The following B3GLCT variants were observed in gnomAD, a reference collection of about 807,000 sequenced individuals.
B3GLCT encodes beta 3-glucosyltransferase, also known as beta-1,3-glucosyltransferase.
Under a neutral mutation model 63.4 loss-of-function variants are expected in B3GLCT, and 65 were observed. The observed-to-expected ratio is 1.03, with a 90% CI of 0.84 to 1.26. The LOEUF is 1.26. Ranked by LOEUF, B3GLCT falls within the 50% of genes most tolerant of loss-of-function variation. The pLI is 0.00. For missense variants in B3GLCT, 577 were observed against 604.8 expected (o/e 0.95, Z 0.48); for synonymous variants, 233 against 219.2 (o/e 1.06, Z -0.55).
intron 4 of B3GLCT, among the ~76,000 whole-genome samples, chr13:31,244,846 T>C (rs1871123489): frequency 6.6e-6 from 1 of 152,184 alleles, no homozygotes; most frequent in Admixed American, 6.5e-5. Context: ...AAGATGACTT[T>C]GGCTTAATCA....
intron 13 of B3GLCT, among the ~76,000 whole-genome samples, chr13:31,322,533 T>C (rs534476622): frequency 1.1e-4 from 17 of 152,246 alleles, no homozygotes; most frequent in Non-Finnish European, 2.5e-4. Flanking sequence ...TTTTCCATTT[T>C]GGGGAGCAAC....
chr13:31,229,348 A>G, intron 4 of B3GLCT, 54 bp downstream of exon 4: 1 of 1,067,404 alleles, frequency 9.4e-7, no homozygotes, highest in South Asian at 1.3e-5. Context: ...GATTACCTTG[A>G]TGTTTTCCAA....
At chr13:31,271,530 T>G (rs1872575131) in intron 8 of B3GLCT, among the ~76,000 whole-genome samples, 1 of 152,214 alleles carries the variant, frequency 6.6e-6, no homozygotes, top group African/African-American at 2.4e-5. Context: ...AAATAAATTT[T>G]CATCATGACC....
At position 31,215,056 on chromosome 13, in the gene B3GLCT, G is replaced by A. The variant is rs774429720; in HGVS notation, c.76G>A (p.Gly26Ser). 14 of 1,599,084 alleles carry A rather than the reference G, an allele frequency of 8.8e-6. No individual in the cohort carries two copies. The highest frequency in any genetic ancestry group is 2.7e-5 in the African/African-American group (2 of 73,534). ...TCTTTTTTTTTTTTTTCCAGCTTTT[G>A]GTTTGGCTTCTGAAGATACAAAGAA... ...LALLTCSLAF[G>S]LASEDTKKEV... The change falls in exon 2 of 15, where the codon GGT becomes AGT. Residue 26 changes from glycine (G) to serine (S), a missense_variant. Transcript: ENST00000343307.
At chr13:31,273,277 G>A (rs1010551090) in intron 8 of B3GLCT, among the ~76,000 whole-genome samples, 17 of 152,212 alleles carry the variant, frequency 1.1e-4, no homozygotes, top group Non-Finnish European at 2.2e-4. Context: ...GTATTTTTAA[G>A]TAAAGATGGG....
intron 12 of B3GLCT, among the ~76,000 whole-genome samples, chr13:31,297,697 A>G (rs1007473070): frequency 1.3e-5 from 2 of 152,050 alleles, no homozygotes; most frequent in Non-Finnish European, 2.9e-5. Flanking sequence ...CTACCACCCC[A>G]TACACCAGAC....
intron 4 of B3GLCT, among the ~76,000 whole-genome samples, chr13:31,235,410 C>T (rs548137081): frequency 5.9e-5 from 9 of 152,044 alleles, no homozygotes; most frequent in African/African-American, 1.4e-4. Context: ...ATGGGCCCTG[C>T]GGGAAGACCA....
At chr13:31,251,596 T>A (rs1425137563) in intron 6 of B3GLCT, among the ~76,000 whole-genome samples, 1 of 152,050 alleles carries the variant, frequency 6.6e-6, no homozygotes, top group African/African-American at 2.4e-5. Flanking sequence ...GCCGAATCGA[T>A]CAAGTGGAAG....
intron 2 of B3GLCT, among the ~76,000 whole-genome samples, chr13:31,222,160 C>T (rs1221317282): frequency 6.6e-6 from 1 of 151,096 alleles, no homozygotes; most frequent in Non-Finnish European, 1.5e-5. Context: ...CTCACTGCAA[C>T]CTCCGCCTCC....
At chr13:31,251,886 G>T (rs1030079974) in intron 6 of B3GLCT, among the ~76,000 whole-genome samples, 1 of 152,110 alleles carries the variant, frequency 6.6e-6, no homozygotes, top group Non-Finnish European at 1.5e-5. Flanking sequence ...GATACTCCTC[G>T]AGAAGAGCAA....
At chr13:31,281,689 TGAGAA>T (rs1382980990) in intron 10 of B3GLCT, among the ~76,000 whole-genome samples, 3 of 152,330 alleles carry the variant, frequency 2.0e-5, no homozygotes, top group African/African-American at 7.2e-5. Context: ...AATCTGCTCC[TGAGAA>T]GAGAAGTGCA....
chr13:31,221,849 T>C (rs1203129849), intron 2 of B3GLCT, among the ~76,000 whole-genome samples: 2 of 152,214 alleles, frequency 1.3e-5, no homozygotes, highest in Non-Finnish European at 2.9e-5. Context: ...CATATGACTG[T>C]TGAAAGCAAG....
At position 31,247,977 on chromosome 13, in the gene B3GLCT, CT is replaced by C. The variant is rs762077884; in HGVS notation, c.459+13del. ...TATGACCCCTCTAAGGTGAATATAA[CT>C]TCAATACCAGTTCTTATTTTGGGGG... is the stretch of plus-strand genomic sequence containing the variant. On this transcript the variant is annotated intron_variant, in intron 6 of 14. Coordinates refer to ENST00000343307, the MANE Select transcript of B3GLCT (RefSeq NM_194318.4). 7.3e-7 allele frequency: 1 copy of C among 1,365,556 alleles called. No homozygotes were observed. The highest frequency in any genetic ancestry group is 2.3e-5 in the East Asian group (1 of 43,476). The allele number at this position is 1,365,556 out of a possible 1,614,324, so 84.6% of individuals were successfully genotyped here.
intron 4 of B3GLCT, among the ~76,000 whole-genome samples, chr13:31,243,269 C>T (rs1171754678): frequency 6.6e-6 from 1 of 152,108 alleles, no homozygotes; most frequent in Non-Finnish European, 1.5e-5. Context: ...ACCATAAACC[C>T]ATGTACTTCT....
intron 1 of B3GLCT, among the ~76,000 whole-genome samples, chr13:31,206,022 C>T (rs943378461): frequency 2.0e-5 from 3 of 152,132 alleles, no homozygotes; most frequent in Non-Finnish European, 2.9e-5. Context: ...CATTGCTTCC[C>T]GTAAGAAACT....
At chr13:31,308,347 T>TAAAAAAACAAAAAA (rs1874500591) in intron 12 of B3GLCT, among the ~76,000 whole-genome samples, 1 of 23,670 alleles carries the variant, frequency 4.2e-5, no homozygotes, top group Non-Finnish European at 1.2e-4. Context: ...AAAAAAAAAT[T>TAAAAAAACAAAAAA]AAAAAAAAAA....
chr13:31,219,005 A>G (rs1869694437), intron 2 of B3GLCT, among the ~76,000 whole-genome samples: 1 of 151,982 alleles, frequency 6.6e-6, no homozygotes, highest in Admixed American at 6.6e-5. Flanking sequence ...TTCATAGCCA[A>G]ATTCTACCAG....
chr13:31,245,146 A>G (rs973188447), intron 4 of B3GLCT, among the ~76,000 whole-genome samples: 1 of 152,164 alleles, frequency 6.6e-6, no homozygotes, highest in Non-Finnish European at 1.5e-5. Context: ...TGTTTGCACT[A>G]CCTAAACCTT....
At chr13:31,211,162 A>C (rs1283452834) in intron 1 of B3GLCT, among the ~76,000 whole-genome samples, 3 of 152,172 alleles carry the variant, frequency 2.0e-5, no homozygotes, top group Admixed American at 2.0e-4. Flanking sequence ...TGGGAGGCCG[A>C]GGTGGGTGGA....
Sources: gnomAD v4.1 joint callset for allele counts (sites outside exome capture counted in the v4.1 genomes callset) on GRCh38, gnomAD v4.1.1 for gene constraint, MANE v1.5 for transcripts, NCBI Gene and HGNC (gene_info 2026-07-23, HGNC 2026-07-21) for gene names.